The following NLRP7 variants were observed in gnomAD, a reference collection of about 807,000 sequenced individuals.
The protein encoded by NLRP7 is NACHT, LRR and PYD domains-containing protein 7.
NLRP7 carries 72 observed loss-of-function variants against 85.5 expected under a neutral mutation model. The ratio of observed to expected loss-of-function variants is 0.84; its 90% CI spans 0.70 to 1.02. NLRP7 has a LOEUF of 1.02. NLRP7 is among the 50% of genes least tolerant of loss of function. The pLI is 0.00. For missense variants in NLRP7, 1,243 were observed against 1,219.5 expected (o/e 1.02, Z -0.29); for synonymous variants, 550 against 505.2 (o/e 1.09, Z -1.19).
chr19:54,944,029 T>C (rs1426833121), intron 1 of NLRP7, among the ~76,000 whole-genome samples: 1 of 152,116 alleles, frequency 6.6e-6, no homozygotes, highest in East Asian at 1.9e-4. Context: ...TGCGGAAGGC[T>C]GCAGGGACCT....
chr19:54,926,111 T>C (rs1324948939), intron 9 of NLRP7, among the ~76,000 whole-genome samples: 1 of 151,082 alleles, frequency 6.6e-6, no homozygotes, highest in Admixed American at 6.6e-5. Flanking sequence ...TATACACGGG[T>C]CACAACTAAG....
chr19:54,938,804 AG>A, intron 4 of NLRP7, 83 bp downstream of exon 4: 3 of 1,459,456 alleles, frequency 2.1e-6, no homozygotes, highest in Non-Finnish European at 2.9e-6. Flanking sequence ...GTCCAGCCAG[AG>A]GGAAATTCTG....
At chr19:54,943,417 C>A (rs1193982051) in intron 1 of NLRP7, among the ~76,000 whole-genome samples, 1 of 151,942 alleles carries the variant, frequency 6.6e-6, no homozygotes, top group Non-Finnish European at 1.5e-5. Context: ...CTGGCTAACA[C>A]GGTGAAACCC....
Position 54,934,542 on chromosome 19 carries a change from G to A in NLRP7, c.2418C>T (p.Ala806=). 6.2e-7 allele frequency: 1 copy of A among 1,614,112 alleles called. No homozygotes were observed. Among genetic ancestry groups the A allele is most frequent in the Non-Finnish European group, 8.5e-7 (1 of 1,180,006 alleles). Residue 806 remains alanine, a synonymous_variant, in exon 7 of 10, where the codon GCC becomes GCT. Coordinates refer to ENST00000340844, the Ensembl canonical transcript of NLRP7. This position sits in a 1 kb window ranked among gnomAD's most constrained non-coding sequence, Gnocchi z 6.7. ...GTGTCATGGTCTTGTACAGCAACAT[G>A]GCACCCTCATCCAGGAGCACATTGG...
rs1015468002 is a variant in NLRP7 at position 54,934,989 on chromosome 19, G to A, written c.2301-330C>T. ...TGGGATTACAGGTGTGAGCCACCGC[G>A]CCTGGCCCAGATCAGCTTCTTCTGC... On this transcript the variant is annotated intron_variant, in intron 6 of 9. Coordinates refer to ENST00000340844, the Ensembl canonical transcript of NLRP7. The surrounding 1 kb of genome is among the most constrained non-coding windows in gnomAD (Gnocchi z 6.7). 1.1e-4 allele frequency among the ~76,000 whole-genome samples: 16 copies of A among 152,104 alleles called. No homozygotes were observed. The highest frequency in any genetic ancestry group is 5.2e-4 in the Admixed American group (8 of 15,264).
chr19:54,954,794 A>T (rs879799724), intron 1 of NLRP7, among the ~76,000 whole-genome samples: 1 of 151,984 alleles, frequency 6.6e-6, no homozygotes, highest in Non-Finnish European at 1.5e-5. Flanking sequence ...CAGAGGTTTC[A>T]GTGAGCCAAG....
chr19:54,924,734 G>A (rs934169285), intron 9 of NLRP7, among the ~76,000 whole-genome samples: 8 of 151,930 alleles, frequency 5.3e-5, no homozygotes, highest in African/African-American at 1.2e-4. Context: ...TCAGGAATTC[G>A]AGACCAGCCT....
rs151129212 is a variant in NLRP7, at chr19:54,925,275, T to C, written c.2811-1403A>G. 2.2e-4 allele frequency among the ~76,000 whole-genome samples: 34 copies of C among 152,234 alleles called. No individual in the cohort carries two copies. In the East Asian group the frequency reaches 5.6e-3, roughly 25 times the overall value. ...ATAGTCCTTGGTGGCATTACAGACCTCGGTCCCACCAACAAGAGAAGCATG... is the reference window on the plus strand; with the variant it reads ...ATAGTCCTTGGTGGCATTACAGACCCCGGTCCCACCAACAAGAGAAGCATG... On this transcript the variant is annotated intron_variant, in intron 9 of 9. Coordinates refer to ENST00000340844, the Ensembl canonical transcript of NLRP7.
rs1052691488 is a variant in NLRP7 at position 54,934,907 on chromosome 19, C to T, written c.2301-248G>A. 2.6e-4 allele frequency among the ~76,000 whole-genome samples: 40 copies of T among 152,168 alleles called. No individual in the cohort carries two copies. The highest frequency in any genetic ancestry group is 6.8e-3 in the Middle Eastern group (2 of 294). On this transcript the variant is annotated intron_variant, in intron 6 of 9. Transcript: ENST00000340844. The surrounding 1 kb of genome is among the most constrained non-coding windows in gnomAD (Gnocchi z 6.7). ...AGACGGGATTTCACCATGTTGGCCA[C>T]ACTGGTCTTGAACTCCTGACCTCAG... is the stretch of plus-strand genomic sequence containing the variant.
At chr19:54,939,881 G>T (rs775903199) in exon 4 of NLRP7, 1 of 1,613,760 alleles carries the variant, frequency 6.2e-7, no homozygotes, top group African/African-American at 1.3e-5. Context: ...CGGCTGCTGC[G>T]CCAGGAGCTG....
chr19:54,936,262 T>A, exon 6 of NLRP7: 1 of 1,612,764 alleles, frequency 6.2e-7, no homozygotes, highest in Non-Finnish European at 8.5e-7. Context: ...GAGACCCACC[T>A]CAGGTACTGC....
At chr19:54,950,947 C>T (rs1258254696), upstream of NLRP7, among the ~76,000 whole-genome samples, 1 of 152,212 alleles carries the variant, frequency 6.6e-6, no homozygotes, top group East Asian at 1.9e-4. Flanking sequence ...GAGGTCCCTG[C>T]GGCCTTCCGC....
chr19:54,931,064 T>C (rs1196296157), intron 8 of NLRP7, among the ~76,000 whole-genome samples: 2 of 152,084 alleles, frequency 1.3e-5, no homozygotes, highest in Non-Finnish European at 2.9e-5. Flanking sequence ...ATATAAAACA[T>C]AGGTGGCAGG....
rs1441461043 is a variant in NLRP7 at position 54,934,031 on chromosome 19, C to T, written c.2472-292G>A. 1.3e-5 allele frequency among the ~76,000 whole-genome samples: 2 copies of T among 152,184 alleles called. No individual in the cohort carries two copies. The highest frequency in any genetic ancestry group is 2.4e-5 in the African/African-American group (1 of 41,456). On this transcript the variant is annotated intron_variant, in intron 7 of 9. Transcript: ENST00000340844. This position sits in a 1 kb window ranked among gnomAD's most constrained non-coding sequence, Gnocchi z 6.7. ...GATCTCGGTTCACTGCCAATCGCCG[C>T]CTCCCAGGTTTACACCATTCTGCTG...
intron 4 of NLRP7, 51 bp downstream of exon 4, chr19:54,938,837 G>C (rs775754297): frequency 6.3e-7 from 1 of 1,599,842 alleles, no homozygotes; most frequent in South Asian, 1.1e-5. Flanking sequence ...CAGGGCAAAG[G>C]AGACGCTGGC....
At position 54,934,515 on chromosome 19, in the gene NLRP7, G is replaced by C. The variant is rs775203582; in HGVS notation, c.2445C>G (p.Arg815=). The C allele has an allele frequency of 6.2e-7, 1 of 1,614,138 alleles. No homozygotes were observed. Among genetic ancestry groups the C allele is most frequent in the African/African-American group, 1.3e-5 (1 of 75,030 alleles). Residue 815 remains arginine (R), a synonymous_variant, in exon 7 of 10, where the codon CGC becomes CGG. Transcript: ENST00000340844. This position sits in a 1 kb window ranked among gnomAD's most constrained non-coding sequence, Gnocchi z 6.7. ...ACAACATCTGCAGGAAGTGTTTTGG[G>C]CGTGTCATGGTCTTGTACAGCAACA...
intron 1 of NLRP7, among the ~76,000 whole-genome samples, chr19:54,964,547 G>C: frequency 6.6e-6 from 1 of 151,498 alleles, no homozygotes; most frequent in South Asian, 2.1e-4. Context: ...TGCCAGCCAG[G>C]CACGGTGGCT....
chr19:54,931,705 C>T (rs1395685648), intron 8 of NLRP7, among the ~76,000 whole-genome samples: 4 of 150,690 alleles, frequency 2.7e-5, no homozygotes, highest in African/African-American at 9.8e-5. Flanking sequence ...AAAAAATTAG[C>T]CAGGTGTGGC....
At chr19:54,924,164 C>T (rs558152) in intron 9 of NLRP7, among the ~76,000 whole-genome samples, 28,822 of 152,022 alleles carry the variant, frequency 0.19, 3,055 homozygotes, top group South Asian at 0.25. Context: ...GATGGGGTTT[C>T]GACATGTTAG....
Sources: allele counts gnomAD v4.1 joint callset (sites outside exome capture counted in the v4.1 genomes callset), GRCh38; gene constraint gnomAD v4.1.1; non-coding constraint Gnocchi (gnomAD v3.1); transcripts MANE v1.5; gene names NCBI Gene and HGNC (gene_info 2026-07-23, HGNC 2026-07-21).